Variants in FAM200B observed in about 807,000 individuals in gnomAD.
FAM200B encodes the protein protein FAM200B.
Under a neutral mutation model 33.1 loss-of-function variants are expected in FAM200B, and 32 were observed. The ratio of observed to expected loss-of-function variants is 0.97; its 90% CI spans 0.73 to 1.30. The LOEUF is 1.30. Ranked by LOEUF, FAM200B falls within the 50% of genes most tolerant of loss-of-function variation. The pLI, the probability that FAM200B is intolerant of heterozygous loss-of-function variation, is 0.00. For missense variants in FAM200B, 741 were observed against 754.0 expected (o/e 0.98, Z 0.20); for synonymous variants, 240 against 264.8 (o/e 0.91, Z 0.91).
chr4:15,675,551 C>A, the FAM200B span, among the ~76,000 whole-genome samples: 10 of 148,886 alleles, frequency 6.7e-5, no homozygotes, highest in African/African-American at 2.2e-4. Context: ...TATGTCTTAA[C>A]TTCTCGGTCA....
chr4:15,671,613 T>A, the FAM200B span, among the ~76,000 whole-genome samples: 1 of 152,106 alleles, frequency 6.6e-6, no homozygotes, highest in Non-Finnish European at 1.5e-5. Flanking sequence ...GGAGTTCATA[T>A]CTTCTTGAAT....
the FAM200B span, among the ~76,000 whole-genome samples, chr4:15,643,200 T>C: frequency 6.6e-6 from 1 of 152,236 alleles, no homozygotes; most frequent in East Asian, 1.9e-4. Context: ...CTACTAAGTA[T>C]TCTTCCAGAA....
chr4:15,679,985 C>T (rs942763018), upstream of FAM200B, among the ~76,000 whole-genome samples: 7 of 152,092 alleles, frequency 4.6e-5, no homozygotes, highest in African/African-American at 7.2e-5. Flanking sequence ...CTGGAAACAA[C>T]GCCAAGTGTC....
At chr4:15,673,738 TTC>T in the FAM200B span, among the ~76,000 whole-genome samples, 6 of 152,196 alleles carry the variant, frequency 3.9e-5, no homozygotes, top group African/African-American at 1.2e-4. Context: ...ATCACTAGAA[TTC>T]TCTCTCTATG....
the FAM200B span, chr4:15,641,472 GATTT>G: frequency 1.2e-5 from 4 of 340,364 alleles, no homozygotes; most frequent in East Asian, 3.3e-4. Flanking sequence ...ATAGTGAATA[GATTT>G]TTTTCTTCCG....
the FAM200B span, among the ~76,000 whole-genome samples, chr4:15,648,105 A>T: frequency 6.6e-6 from 1 of 151,972 alleles, no homozygotes. Context: ...GATCCTCCTG[A>T]CTCAGCATCC....
chr4:15,676,732 T>C (rs367987230), upstream of FAM200B, among the ~76,000 whole-genome samples: 1 of 151,990 alleles, frequency 6.6e-6, no homozygotes, highest in East Asian at 1.9e-4. Flanking sequence ...TGAAACTAGG[T>C]GTTGGGTTGT....
upstream of FAM200B, among the ~76,000 whole-genome samples, chr4:15,677,034 G>A (rs1718018897): frequency 6.6e-6 from 1 of 152,096 alleles, no homozygotes; most frequent in African/African-American, 2.4e-5. Context: ...TTATATTAAG[G>A]TCAAAAAGAG....
At chr4:15,655,396 C>T in the FAM200B span, 1 of 1,031,678 alleles carries the variant, frequency 9.7e-7, no homozygotes, top group African/African-American at 1.8e-5. Flanking sequence ...CCCGCCCCGT[C>T]GGCGCGCGCG....
At chr4:15,647,218 A>G in the FAM200B span, among the ~76,000 whole-genome samples, 2 of 82,960 alleles carry the variant, frequency 2.4e-5, no homozygotes, top group Non-Finnish European at 4.8e-5. Context: ...GCAAGACTCC[A>G]TCTCAAAAAA....
At chr4:15,673,764 T>A in the FAM200B span, among the ~76,000 whole-genome samples, 1 of 152,212 alleles carries the variant, frequency 6.6e-6, no homozygotes, top group African/African-American at 2.4e-5. Flanking sequence ...CTCTCTCCCT[T>A]CTAGCAAACT....
chr4:15,685,370 G>A (rs1718741831), intron 1 of FAM200B, among the ~76,000 whole-genome samples: 1 of 152,166 alleles, frequency 6.6e-6, no homozygotes, highest in Admixed American at 6.5e-5. Flanking sequence ...GGTTTTCTGA[G>A]GAAGGAATGG....
At chr4:15,681,493 T>C (rs1019278905), upstream of FAM200B, 16 of 163,708 alleles carry the variant, frequency 9.8e-5, no homozygotes, top group Non-Finnish European at 1.0e-4. Context: ...ACTAGCCCTG[T>C]CCGCGCTCGG....
chr4:15,644,941 T>C, the FAM200B span, among the ~76,000 whole-genome samples: 1 of 152,068 alleles, frequency 6.6e-6, no homozygotes, highest in Non-Finnish European at 1.5e-5. Context: ...CACAGAAAAA[T>C]GATATGTGCA....
At chr4:15,664,251 A>T in the FAM200B span, among the ~76,000 whole-genome samples, 1 of 152,262 alleles carries the variant, frequency 6.6e-6, no homozygotes, top group East Asian at 1.9e-4. Context: ...ACACTAATAC[A>T]GACCTAGTAT....
the FAM200B span, among the ~76,000 whole-genome samples, chr4:15,643,044 G>A: frequency 5.9e-5 from 9 of 152,098 alleles, no homozygotes; most frequent in Middle Eastern, 6.8e-3. Context: ...ATTTGTCGAA[G>A]GTGTATTCAT....
At chr4:15,663,881 G>C in the FAM200B span, among the ~76,000 whole-genome samples, 2 of 152,048 alleles carry the variant, frequency 1.3e-5, no homozygotes. Context: ...ACTTACCCTG[G>C]CTAATATAAT....
At chr4:15,653,283 A>AC in the FAM200B span, among the ~76,000 whole-genome samples, 2 of 152,206 alleles carry the variant, frequency 1.3e-5, no homozygotes, top group East Asian at 3.8e-4. Context: ...GCAAGTGGGA[A>AC]CATTACTGAA....
the FAM200B span, among the ~76,000 whole-genome samples, chr4:15,646,365 T>C: frequency 2.2e-5 from 2 of 91,074 alleles, no homozygotes; most frequent in Non-Finnish European, 5.0e-5. Flanking sequence ...ATACATATTA[T>C]AGATTTTTTT....
Sources: allele counts gnomAD v4.1 joint callset (sites outside exome capture counted in the v4.1 genomes callset), GRCh38; gene constraint gnomAD v4.1.1; transcripts MANE v1.5; gene names NCBI Gene and HGNC (gene_info 2026-07-23, HGNC 2026-07-21).